Variants in TSPAN18 observed in about 807,000 individuals in gnomAD.
TSPAN18 encodes tetraspanin 18, also known as tetraspanin-18.
In TSPAN18, 14 loss-of-function variants were observed where a neutral mutation model predicts 27.3. The ratio of observed to expected loss-of-function variants is 0.51; its 90% CI spans 0.34 to 0.80. The LOEUF (loss-of-function observed/expected upper bound fraction) is 0.80. Ranked by LOEUF, TSPAN18 falls within the 30% of genes least tolerant of loss-of-function variation. The pLI is 0.01. For synonymous variants in TSPAN18, 143 were observed against 136.5 expected (o/e 1.05, Z -0.33); for missense variants, 268 against 323.9 (o/e 0.83, Z 1.32).
chr11:44,894,152 G>A (rs1858953233), intron 3 of TSPAN18, among the ~76,000 whole-genome samples: 1 of 152,208 alleles, frequency 6.6e-6, no homozygotes, highest in African/African-American at 2.4e-5. Context: ...TCATCCCCTT[G>A]CATCCTCCTG....
intron 8 of TSPAN18, among the ~76,000 whole-genome samples, chr11:44,923,128 G>A (rs1215344490): frequency 6.6e-6 from 1 of 152,132 alleles, no homozygotes; most frequent in Admixed American, 6.5e-5. Flanking sequence ...AAAAAAAGAA[G>A]CCTTTGGAAC....
At position 44,874,694 on chromosome 11, in the gene TSPAN18, G is replaced by A. The variant is rs115351464; in HGVS notation, c.-11+14225G>A. ...TTGCATGCTTGGTGCCTGGGTAGGG[G>A]GACATCTTTGTCCCTCAGGTCTATG... On this transcript the variant is annotated intron_variant, in intron 3 of 9. Coordinates refer to ENST00000520358, the MANE Select transcript of TSPAN18 (RefSeq NM_130783.5). 4.0e-3 allele frequency among the ~76,000 whole-genome samples: 608 copies of A among 152,324 alleles called. 5 individuals are homozygous for A. Among genetic ancestry groups the A allele is most frequent in the African/African-American group, 0.014 (564 of 41,568 alleles).
chr11:44,790,564 G>A (rs12276347), intron 2 of TSPAN18, among the ~76,000 whole-genome samples: 2,513 of 141,574 alleles, frequency 0.018, 76 homozygotes, highest in African/African-American at 0.06. Flanking sequence ...GCATGTGTTC[G>A]TGTGTGTGTG....
intron 2 of TSPAN18, among the ~76,000 whole-genome samples, chr11:44,838,864 T>C (rs1857314052): frequency 6.6e-6 from 1 of 152,230 alleles, no homozygotes; most frequent in Non-Finnish European, 1.5e-5. Flanking sequence ...TTGTGGTCAT[T>C]CATTGCAGCA....
chr11:44,874,324 C>T (rs1565186675), intron 3 of TSPAN18, among the ~76,000 whole-genome samples: 3 of 152,172 alleles, frequency 2.0e-5, no homozygotes, highest in Admixed American at 6.5e-5. Flanking sequence ...GCCCATCTGG[C>T]CCCATAATAG....
intron 2 of TSPAN18, among the ~76,000 whole-genome samples, chr11:44,795,569 A>G (rs1856330155): frequency 6.6e-6 from 1 of 152,092 alleles, no homozygotes; most frequent in African/African-American, 2.4e-5. Context: ...AGCCTGACAC[A>G]CAGGTGTGAG....
intron 3 of TSPAN18, 57 bp from the exon 4 acceptor site, chr11:44,906,350 G>A (rs1463068625): frequency 1.0e-5 from 16 of 1,529,710 alleles, no homozygotes; most frequent in African/African-American, 1.4e-5. Flanking sequence ...GAGGGGCTGG[G>A]GTTCTTCCTG....
chr11:44,895,745 A>G (rs567946712), intron 3 of TSPAN18, among the ~76,000 whole-genome samples: 8 of 152,274 alleles, frequency 5.3e-5, no homozygotes, highest in African/African-American at 1.4e-4. Flanking sequence ...GGGTTGGCCT[A>G]TGTCATCCAT....
At chr11:44,835,896 T>C (rs1857254877) in intron 2 of TSPAN18, among the ~76,000 whole-genome samples, 1 of 149,822 alleles carries the variant, frequency 6.7e-6, no homozygotes, top group Non-Finnish European at 1.5e-5. Flanking sequence ...CTGTTGTAAT[T>C]GTTTGGGGAC....
chr11:44,816,031 C>G (rs976002340), intron 2 of TSPAN18, among the ~76,000 whole-genome samples: 1 of 152,228 alleles, frequency 6.6e-6, no homozygotes. Context: ...AACCTGAGCT[C>G]TTATCGTGCC....
chr11:44,906,428 C>G lies in TSPAN18; in HGVS notation c.12C>G (p.Asp4Glu). Reference protein sequence around the residue: MEGDCLSCMKYLMF... With the variant: MEGECLSCMKYLMF... ...CTAGGTGGAGCACCATGGAAGGCGA[C>G]TGTCTGAGCTGCATGAAGTATCTGA... is the stretch of plus-strand genomic sequence containing the variant. The change falls in exon 4 of 10, where the codon GAC becomes GAG. Residue 4 changes from aspartate (D) to glutamate (E), a missense_variant. Physicochemically the swap from Asp to Glu is conservative, Grantham distance 45. Transcript: ENST00000520358. 4 of 1,614,208 alleles carry G rather than the reference C, an allele frequency of 2.5e-6. No homozygotes were observed. In the South Asian group the frequency reaches 3.3e-5, roughly 13 times the overall value.
intron 2 of TSPAN18, among the ~76,000 whole-genome samples, chr11:44,857,891 G>C (rs1233992960): frequency 7.0e-6 from 1 of 142,040 alleles, no homozygotes; most frequent in Non-Finnish European, 1.6e-5. Context: ...GCTGCCAACA[G>C]TCATGTGCAC....
rs536291435 is a variant in TSPAN18 at position 44,774,641 on chromosome 11, C to T, written c.-153+10129C>T. ...GAGCCTCCTTCATCCTCCCTTCTTC[C>T]CTCCTTATTTCCCTCCCTTTCTTCT... On this transcript the variant is annotated intron_variant, in intron 2 of 9. Transcript: ENST00000520358. 1.2e-4 allele frequency among the ~76,000 whole-genome samples: 18 copies of T among 152,204 alleles called. No homozygotes were observed. In the East Asian group the frequency reaches 2.9e-3, roughly 25 times the overall value.
intron 2 of TSPAN18, among the ~76,000 whole-genome samples, chr11:44,852,277 G>A (rs575856474): frequency 6.6e-6 from 1 of 152,296 alleles, no homozygotes; most frequent in South Asian, 2.1e-4. Flanking sequence ...TTGGTGAAGA[G>A]GCAATGGCAA....
At chr11:44,892,309 A>C (rs1268127639) in intron 3 of TSPAN18, among the ~76,000 whole-genome samples, 2 of 151,984 alleles carry the variant, frequency 1.3e-5, no homozygotes, top group Non-Finnish European at 2.9e-5. Context: ...CTGAGCAGAG[A>C]GGGTGGCTTC....
At chr11:44,867,700 G>A (rs952215759) in intron 3 of TSPAN18, among the ~76,000 whole-genome samples, 11 of 152,046 alleles carry the variant, frequency 7.2e-5, no homozygotes, top group African/African-American at 1.2e-4. Context: ...CACCCGGCTC[G>A]TTTATGTATG....
intron 3 of TSPAN18, chr11:44,903,842 T>C (rs114509332): frequency 2.2e-6 from 1 of 456,702 alleles, no homozygotes; most frequent in East Asian, 6.9e-5. Context: ...ACTCACTAGC[T>C]GTGACCTCAG....
intron 3 of TSPAN18, among the ~76,000 whole-genome samples, chr11:44,871,605 G>C (rs2135239006): frequency 6.6e-6 from 1 of 152,324 alleles, no homozygotes; most frequent in Middle Eastern, 3.4e-3. Flanking sequence ...GAGCAGTTCT[G>C]ATTCTGCCAC....
chr11:44,814,341 C>T (rs752648976), intron 2 of TSPAN18, among the ~76,000 whole-genome samples: 1 of 152,088 alleles, frequency 6.6e-6, no homozygotes, highest in Admixed American at 6.5e-5. Context: ...CTGGGCTTTA[C>T]AATGAAGACA....
Sources: gnomAD v4.1 joint callset for allele counts (sites outside exome capture counted in the v4.1 genomes callset) on GRCh38, gnomAD v4.1.1 for gene constraint, MANE v1.5 for transcripts, NCBI Gene and HGNC (gene_info 2026-07-23, HGNC 2026-07-21) for gene names.